FOXP1: variants seen among roughly 807,000 people sequenced by gnomAD.
FOXP1 encodes forkhead box protein P1.
FOXP1 carries 15 observed loss-of-function variants against 98.2 expected under a neutral mutation model. The ratio of observed to expected loss-of-function variants is 0.15; its 90% confidence interval spans 0.10 to 0.24. The LOEUF (loss-of-function observed/expected upper bound fraction) is 0.24, where lower values mean the gene tolerates loss of function less well. FOXP1 is among the 10% of genes least tolerant of loss of function. FOXP1 has a pLI of 1.00. For missense variants in FOXP1, 633 were observed against 848.5 expected, an observed-to-expected ratio of 0.75 and a Z score of 3.15; for synonymous variants, 371 against 314.5, an observed-to-expected ratio of 1.18 and a Z score of -1.90.
chr3:71,091,634 GTCT>G (rs2055860136), intron 7 of FOXP1, among the ~76,000 whole-genome samples: 2 of 152,254 alleles, frequency 1.3e-5, no homozygotes, highest in Admixed American at 1.3e-4. Flanking sequence ...AAGCTTAATT[GTCT>G]CATCAATATC....
intron 3 of FOXP1, among the ~76,000 whole-genome samples, chr3:71,390,574 TG>T (rs1465376168): frequency 6.0e-5 from 3 of 50,220 alleles, no homozygotes; most frequent in Non-Finnish European, 1.1e-4. Flanking sequence ...TGTGTGTGTG[TG>T]GTGGGGAGGG....
Position 71,383,553 on chromosome 3 carries a change from T to C in FOXP1, c.-167-24309A>G, listed in dbSNP as rs562669613. On this transcript the variant is annotated intron_variant, in intron 3 of 20. Transcript: ENST00000649528. ...TAGAGGGTGGCAGGTCCAGTCAAAATAGGTAAAACCTTAATATGTCTTTTT... is the reference window on the plus strand; with the variant it reads ...TAGAGGGTGGCAGGTCCAGTCAAAACAGGTAAAACCTTAATATGTCTTTTT... Among the ~76,000 whole-genome samples the C allele has an allele frequency of 1.5e-4, 23 of 152,336 alleles. 1 individual carries two copies. Among genetic ancestry groups the C allele is most frequent in the South Asian group, 1.0e-3 (5 of 4,828 alleles).
At chr3:71,300,491 T>A (rs2107561152) in intron 4 of FOXP1, among the ~76,000 whole-genome samples, 1 of 152,252 alleles carries the variant, frequency 6.6e-6, no homozygotes, top group Non-Finnish European at 1.5e-5. Context: ...TCATGTCACA[T>A]GAAACAAACA....
In FOXP1 at chr3:70,997,583, C is replaced by G. The variant is rs576876592; in HGVS notation, c.1062+3389G>C. ...TCTATTTCATCTGATTGAGTGATAA[C>G]TAATGGATATAACCTGCTTTGGCTT... On this transcript the variant is annotated intron_variant, in intron 13 of 20. Transcript: ENST00000649528. Among the ~76,000 whole-genome samples the G allele has an allele frequency of 3.9e-5, 6 of 152,302 alleles. No individual in the cohort carries two copies. In the East Asian group the frequency reaches 1.2e-3, roughly 29 times the overall value.
At chr3:71,111,549 CACCAA>C (rs2057927462) in intron 7 of FOXP1, among the ~76,000 whole-genome samples, 1 of 152,136 alleles carries the variant, frequency 6.6e-6, no homozygotes, top group Non-Finnish European at 1.5e-5. Flanking sequence ...AGGCACCCGC[CACCAA>C]GCTTGGCTAA....
At chr3:71,568,117 G>A (rs1477038516) in intron 2 of FOXP1, among the ~76,000 whole-genome samples, 1 of 151,334 alleles carries the variant, frequency 6.6e-6, no homozygotes, top group Non-Finnish European at 1.5e-5. Flanking sequence ...GGAAGGGAAG[G>A]GGAGGGAAGG....
chr3:71,041,319 G>A lies in FOXP1; in HGVS notation c.869+9C>T, dbSNP rs2048306268. The A allele has an allele frequency of 6.2e-7, 1 of 1,612,520 alleles. No individual in the cohort carries two copies. The highest frequency in any genetic ancestry group is 1.7e-5 in the Admixed American group (1 of 59,946). Reference sequence around the variant, plus strand: ...CAGTTTTGGACCCATCTCAGTGGCTGGTTCCTACCTTTCCCTTTTGGGAGT... The same window carrying A: ...CAGTTTTGGACCCATCTCAGTGGCTAGTTCCTACCTTTCCCTTTTGGGAGT... On this transcript the variant is annotated intron_variant, in intron 11 of 20. Coordinates refer to ENST00000649528, the MANE Select transcript of FOXP1 (RefSeq NM_001349338.3).
At chr3:71,372,604 C>T (rs1457048108) in intron 3 of FOXP1, among the ~76,000 whole-genome samples, 1 of 152,198 alleles carries the variant, frequency 6.6e-6, no homozygotes, top group African/African-American at 2.4e-5. Context: ...GCTATGCACT[C>T]CTCCTCCTGC....
At chr3:71,242,882 C>A (rs1443780330) in intron 5 of FOXP1, among the ~76,000 whole-genome samples, 1 of 151,876 alleles carries the variant, frequency 6.6e-6, no homozygotes, top group Non-Finnish European at 1.5e-5. Context: ...TCATTTTATT[C>A]ATCGAAGAAT....
intron 4 of FOXP1, among the ~76,000 whole-genome samples, chr3:71,345,995 G>A (rs572246522): frequency 2.0e-5 from 3 of 151,770 alleles, no homozygotes; most frequent in South Asian, 2.1e-4. Flanking sequence ...ATTTCAGAGA[G>A]AGCCGAAGAA....
chr3:71,534,207 T>C (rs2044099566), intron 2 of FOXP1, among the ~76,000 whole-genome samples: 1 of 152,030 alleles, frequency 6.6e-6, no homozygotes, highest in South Asian at 2.1e-4. Context: ...CTACTAAAAA[T>C]ACAAAATTAG....
At chr3:70,998,824 A>C (rs2041738953) in intron 13 of FOXP1, among the ~76,000 whole-genome samples, 1 of 152,224 alleles carries the variant, frequency 6.6e-6, no homozygotes, top group African/African-American at 2.4e-5. Flanking sequence ...ATGATGGTCT[A>C]AATCTTTTCC....
At chr3:70,973,002 A>G (rs2036601542) in intron 17 of FOXP1, among the ~76,000 whole-genome samples, 1 of 152,178 alleles carries the variant, frequency 6.6e-6, no homozygotes. Context: ...AAAACAACAC[A>G]TGCAAAGTAT....
At chr3:71,040,032 G>C (rs1021503005) in intron 11 of FOXP1, among the ~76,000 whole-genome samples, 1 of 151,920 alleles carries the variant, frequency 6.6e-6, no homozygotes, top group Middle Eastern at 3.4e-3. Flanking sequence ...TAAAACATAT[G>C]TATTATCCTC....
At chr3:71,464,208 G>A (rs1023328595) in intron 3 of FOXP1, among the ~76,000 whole-genome samples, 3 of 152,174 alleles carry the variant, frequency 2.0e-5, no homozygotes, top group Non-Finnish European at 4.4e-5. Context: ...CCCGGGAGAC[G>A]GAGGTTGCAG....
chr3:71,311,426 G>A (rs1043780896), intron 4 of FOXP1, among the ~76,000 whole-genome samples: 11 of 152,158 alleles, frequency 7.2e-5, no homozygotes, highest in South Asian at 2.1e-4. Flanking sequence ...CAGTGGCTAC[G>A]CAGGGTAGGT....
chr3:71,442,469 G>A (rs980227477), intron 3 of FOXP1, among the ~76,000 whole-genome samples: 6 of 151,958 alleles, frequency 3.9e-5, no homozygotes, highest in Non-Finnish European at 7.4e-5. Flanking sequence ...TGAATCTTGA[G>A]AACGTCCAGC....
chr3:71,514,545 T>C (rs1447679557), intron 2 of FOXP1, among the ~76,000 whole-genome samples: 1 of 152,246 alleles, frequency 6.6e-6, no homozygotes, highest in East Asian at 1.9e-4. Flanking sequence ...CAGTGTCATG[T>C]ACAAAACAGG....
At chr3:71,325,260 C>T (rs886904115) in intron 4 of FOXP1, among the ~76,000 whole-genome samples, 25 of 152,090 alleles carry the variant, frequency 1.6e-4, no homozygotes, top group African/African-American at 5.8e-4. Context: ...ACCATGTTGG[C>T]CAGGCGGGTC....
Sources: gnomAD v4.1 joint callset for allele counts (sites outside exome capture counted in the v4.1 genomes callset) on GRCh38, gnomAD v4.1.1 for gene constraint, MANE v1.5 for transcripts, NCBI Gene and HGNC (gene_info 2026-07-23, HGNC 2026-07-21) for gene names.